TRMT44: variants seen among roughly 807,000 people sequenced by gnomAD.
TRMT44 encodes the protein tRNA methyltransferase 44 homolog.
TRMT44 carries 78 observed loss-of-function variants against 77.3 expected under a neutral mutation model. That is an observed-to-expected ratio of 1.01 (90% confidence interval 0.84 to 1.22). The LOEUF is 1.22. TRMT44 is among the 50% of genes most tolerant of loss of function. The pLI is 0.00. For missense variants in TRMT44, 1,090 were observed against 964.4 expected, an observed-to-expected ratio of 1.13 and a Z score of -1.73; for synonymous variants, 391 against 383.3, an observed-to-expected ratio of 1.02 and a Z score of -0.23.
chr4:8,458,469 T>C lies in TRMT44; in HGVS notation c.1203+3656T>C, dbSNP rs535198210. ...TTATGATTTTCTTTTCTTTTCTTTT[T>C]TTTTTTTTTTTTGAGACGGAGTCTT... On this transcript the variant is annotated intron_variant, in intron 6 of 10. Transcript: ENST00000389737. Among the ~76,000 whole-genome samples, 22 of 149,690 alleles carry C rather than the reference T, an allele frequency of 1.5e-4. No individual in the cohort carries two copies. In the South Asian group the frequency reaches 2.5e-3, roughly 17 times the overall value.
At position 8,449,825 on chromosome 4, in the gene TRMT44, C is replaced by G. The variant is rs1437441520; in HGVS notation, c.891C>G (p.Ile297Met). The change falls in exon 3 of 11, where the codon ATC (isoleucine) becomes ATG (methionine). Residue 297 changes from isoleucine to methionine, a missense_variant. Transcript: ENST00000389737. ...ACTTTAAAAGCACCCTTTCCCTCAT[C>G]TCCATTATGAAGTATAGCAAGGCTT... The part of the protein sequence containing the change: ...KSDFKSTLSL[I>M]SIMKYSKAYQ... The G allele has an allele frequency of 6.5e-7, 1 of 1,535,826 alleles. No homozygotes were observed. The highest frequency in any genetic ancestry group is 1.4e-5 in the African/African-American group (1 of 73,070).
chr4:8,462,392 C>T (rs761809769), intron 6 of TRMT44, among the ~76,000 whole-genome samples: 1 of 145,874 alleles, frequency 6.9e-6, no homozygotes, highest in Admixed American at 6.8e-5. Flanking sequence ...GCCTAGGCAA[C>T]AAGAGCGATA....
At chr4:8,454,689 CTTA>C (rs1725680912) in intron 5 of TRMT44, 50 bp from the exon 6 acceptor site, 1 of 1,559,236 alleles carries the variant, frequency 6.4e-7, no homozygotes, top group Non-Finnish European at 8.8e-7. Flanking sequence ...TTCTTGCTAA[CTTA>C]TTATGAAGTA....
intron 2 of TRMT44, among the ~76,000 whole-genome samples, chr4:8,448,082 A>G (rs1040474235): frequency 1.2e-4 from 18 of 151,978 alleles, no homozygotes; most frequent in African/African-American, 4.1e-4. Flanking sequence ...TTAACGAGCT[A>G]CTGAGGACGT....
intron 8 of TRMT44, 68 bp from the exon 9 acceptor site, chr4:8,467,846 G>C (rs1014436558): frequency 3.1e-5 from 45 of 1,455,680 alleles, no homozygotes; most frequent in South Asian, 8.1e-5. Context: ...CAGGATGAGA[G>C]AATTCCATGG....
intron 9 of TRMT44, 175 bp from the exon 10 acceptor site, chr4:8,470,909 G>A (rs1403460477): frequency 3.6e-6 from 2 of 548,998 alleles, no homozygotes; most frequent in Non-Finnish European, 3.3e-6. Flanking sequence ...GGACGCCACG[G>A]CCCTCACGGT....
intron 5 of TRMT44, 79 bp from the exon 6 acceptor site, chr4:8,454,663 G>A (rs1378537756): frequency 1.4e-6 from 2 of 1,404,972 alleles, no homozygotes; most frequent in East Asian, 4.6e-5. Flanking sequence ...GGCAGTGCCT[G>A]CAGAACTTTA....
At chr4:8,503,181 G>A in the TRMT44 span, among the ~76,000 whole-genome samples, 4 of 152,274 alleles carry the variant, frequency 2.6e-5, no homozygotes, top group African/African-American at 4.8e-5. Context: ...AAAGAAACCC[G>A]ACCCCTTCCC....
chr4:8,482,732 G>C (rs988774421), intron 2 of TRMT44, among the ~76,000 whole-genome samples: 2 of 152,036 alleles, frequency 1.3e-5, no homozygotes, highest in African/African-American at 4.8e-5. Flanking sequence ...CAGTTAAGGT[G>C]GGGCAGGGCA....
At chr4:8,513,189 G>A in the TRMT44 span, among the ~76,000 whole-genome samples, 4 of 152,344 alleles carry the variant, frequency 2.6e-5, no homozygotes, top group East Asian at 7.7e-4. Context: ...ACAAAACAAA[G>A]AGGTTTATTG....
intron 1 of TRMT44, among the ~76,000 whole-genome samples, chr4:8,442,664 T>C (rs1327990149): frequency 2.6e-5 from 4 of 152,242 alleles, no homozygotes; most frequent in Admixed American, 1.3e-4. Flanking sequence ...GCTCATTCAG[T>C]TCGTTGGTAG....
downstream of TRMT44, chr4:8,478,262 G>A (rs1361286420): frequency 6.5e-6 from 1 of 152,772 alleles, no homozygotes; most frequent in Non-Finnish European, 1.5e-5. Flanking sequence ...CCAGTCACAA[G>A]CCGCAAGGAC....
downstream of TRMT44, among the ~76,000 whole-genome samples, chr4:8,494,208 T>C (rs537533286): frequency 6.6e-6 from 1 of 152,040 alleles, no homozygotes; most frequent in African/African-American, 2.4e-5. Flanking sequence ...GATGGCTGCA[T>C]AGGTTTTAAA....
downstream of TRMT44, among the ~76,000 whole-genome samples, chr4:8,495,822 C>T (rs1728134478): frequency 6.6e-6 from 1 of 152,122 alleles, no homozygotes; most frequent in South Asian, 2.1e-4. Context: ...TTTTTGCTGG[C>T]AGTTGAAACA....
the TRMT44 span, among the ~76,000 whole-genome samples, chr4:8,508,022 T>G: frequency 6.6e-6 from 1 of 152,238 alleles, no homozygotes; most frequent in African/African-American, 2.4e-5. Flanking sequence ...TTCTCCTGCC[T>G]CAGCCTCCCG....
intron 6 of TRMT44, among the ~76,000 whole-genome samples, chr4:8,460,564 CTCTT>C (rs368196476): frequency 4.8e-5 from 6 of 125,010 alleles, no homozygotes; most frequent in South Asian, 2.3e-4. Context: ...GTTGGCCTCA[CTCTT>C]TTTTTTTTTT....
At chr4:8,453,757 G>T (rs529790894) in intron 5 of TRMT44, 3 of 152,288 alleles carry the variant, frequency 2.0e-5, no homozygotes, top group East Asian at 3.9e-4. Flanking sequence ...TGATATGATG[G>T]CCAGCTTAGC....
At position 8,452,158 on chromosome 4, in the gene TRMT44, T is replaced by C. The variant is rs1434401275; in HGVS notation, c.1023+130T>C. On this transcript the variant is annotated intron_variant, in intron 4 of 10. Transcript: ENST00000389737. The surrounding 1 kb of genome is among the most constrained non-coding windows in gnomAD (Gnocchi z 5.7). ...TCACAATTCTGCTGGCCAAGGTTGG[T>C]TTCTCGTGTAATGGTTTGACTTCAT... The C allele has an allele frequency of 2.4e-6, 2 of 820,678 alleles. No individual in the cohort carries two copies. The highest frequency in any genetic ancestry group is 3.4e-5 in the African/African-American group (2 of 58,920). 50.8% of individuals were successfully genotyped at this position (820,678 alleles called of 1,614,324 possible).
Position 8,446,475 on chromosome 4 carries a change from G to T in TRMT44, c.620-1G>T. On this transcript the variant is annotated splice_acceptor_variant, in intron 1 of 10. Coordinates refer to ENST00000389737, the MANE Select transcript of TRMT44 (RefSeq NM_152544.3). LOFTEE classifies it high-confidence loss of function. This position sits in a 1 kb window ranked among gnomAD's most constrained non-coding sequence, Gnocchi z 4.3. ...TGTCCTTCTTCTCTTTTTCTTTCCA[G>T]ATGTCCTCAATGGAACCATAACGTT... is the stretch of plus-strand genomic sequence containing the variant. 2 of 1,529,772 alleles carry T rather than the reference G, an allele frequency of 1.3e-6. No homozygotes were observed. Among genetic ancestry groups the T allele is most frequent in the Non-Finnish European group, 1.8e-6 (2 of 1,141,342 alleles). 94.8% of individuals were successfully genotyped at this position (1,529,772 alleles called of 1,614,324 possible).
Sources: allele counts gnomAD v4.1 joint callset (sites outside exome capture counted in the v4.1 genomes callset), GRCh38; gene constraint gnomAD v4.1.1; non-coding constraint Gnocchi (gnomAD v3.1); transcripts MANE v1.5; gene names NCBI Gene and HGNC (gene_info 2026-07-23, HGNC 2026-07-21).